LY75: variants seen among roughly 807,000 people sequenced by gnomAD.
The protein encoded by LY75 is lymphocyte antigen 75.
LY75 carries 185 observed loss-of-function variants against 231.7 expected under a neutral mutation model. The observed-to-expected ratio is 0.80, with a 90% confidence interval of 0.71 to 0.90. The LOEUF is 0.90. LY75 is among the 40% of genes least tolerant of loss of function. The pLI, the probability that LY75 is intolerant of heterozygous loss-of-function variation, is 0.00. For missense variants in LY75, 1,947 were observed against 2,050.2 expected (o/e 0.95, Z 0.97); for synonymous variants, 668 against 689.0 (o/e 0.97, Z 0.48).
At chr2:159,822,257 A>G (rs769699586) in intron 28 of LY75, among the ~76,000 whole-genome samples, 7 of 152,222 alleles carry the variant, frequency 4.6e-5, no homozygotes, top group East Asian at 1.9e-4. Context: ...TCCCACCCCT[A>G]TGGAGCCCAG....
At chr2:159,809,415 C>T (rs185219470) in intron 32 of LY75, among the ~76,000 whole-genome samples, 141 of 152,256 alleles carry the variant, frequency 9.3e-4, no homozygotes, top group Non-Finnish European at 1.6e-3. Context: ...TATTGCAGAA[C>T]GGATGGACAA....
chr2:159,889,704 C>T (rs1259778202), intron 4 of LY75, among the ~76,000 whole-genome samples: 1 of 152,110 alleles, frequency 6.6e-6, no homozygotes, highest in Non-Finnish European at 1.5e-5. Flanking sequence ...AAAATTACCA[C>T]TACCATCCCC....
At chr2:159,827,226 T>C (rs1256989716) in intron 28 of LY75, among the ~76,000 whole-genome samples, 1 of 152,172 alleles carries the variant, frequency 6.6e-6, no homozygotes, top group Non-Finnish European at 1.5e-5. Context: ...AAAGGGCTAA[T>C]ATCCAGAATC....
chr2:159,878,579 G>A, intron 10 of LY75, 54 bp downstream of exon 10: 1 of 1,612,650 alleles, frequency 6.2e-7, no homozygotes, highest in African/African-American at 1.3e-5. Flanking sequence ...AGACTGTTTG[G>A]CAAAAGAATT....
intron 31 of LY75, among the ~76,000 whole-genome samples, chr2:159,813,537 C>T (rs972366912): frequency 6.6e-6 from 1 of 152,028 alleles, no homozygotes; most frequent in Non-Finnish European, 1.5e-5. Context: ...TCTCGTGCCT[C>T]CCTCTCATCT....
At chr2:159,900,175 G>A (rs1686032494) in intron 1 of LY75, among the ~76,000 whole-genome samples, 1 of 152,182 alleles carries the variant, frequency 6.6e-6, no homozygotes, top group South Asian at 2.1e-4. Flanking sequence ...GCATGAGCTG[G>A]CAAAGACCCC....
rs1327944029 is a variant in LY75, at chr2:159,875,474, C to A, written c.1944G>T (p.Gln648His). Residue 648 changes from glutamine to histidine, a missense_variant, in exon 12 of 35, where the codon CAG (glutamine) becomes CAT (histidine). By Grantham distance (24) the Gln-to-His change is conservative (BLOSUM62 0). Coordinates refer to ENST00000263636, the MANE Select transcript of LY75 (RefSeq NM_002349.4). ...KPDDPCPEGW[Q>H]SFPASLSCYK... ...AACAAGAAAGACTTGCGGGGAAACT[C>A]TGCCAGCCTTCAGGACAGGGGTCAT... 1 of 1,613,656 alleles carries A rather than the reference C, an allele frequency of 6.2e-7. No individual in the cohort carries two copies. The highest frequency in any genetic ancestry group is 1.3e-5 in the African/African-American group (1 of 74,988).
Position 159,810,642 on chromosome 2 carries a change from C to A in LY75, c.4583G>T (p.Arg1528Ile). ...CCCATTCTCTTTTGCTGCTGGACAT[C>A]TTGATGAATATGTAAGACGGGACAG... ...KKLSRLTYSS[R>I]CPAAKENGSR... Residue 1528 changes from arginine to isoleucine, a missense_variant, in exon 32 of 35, where the codon AGA becomes ATA. By Grantham distance (97) the Arg-to-Ile change is moderately conservative. Coordinates refer to ENST00000263636, the MANE Select transcript of LY75 (RefSeq NM_002349.4). 1 of 1,613,818 alleles carries A rather than the reference C, an allele frequency of 6.2e-7. No homozygotes were observed. Among genetic ancestry groups the A allele is most frequent in the Non-Finnish European group, 8.5e-7 (1 of 1,179,912 alleles).
At position 159,904,498 on chromosome 2, in the gene LY75, C is replaced by G; in HGVS notation, c.94+91G>C. ...ACAGCAAAGCAGCCGTGACCTGCCC[C>G]AGGGGCGCAGCCCTGCCCCAGGCTG... On this transcript the variant is annotated intron_variant, in intron 1 of 34. Coordinates refer to ENST00000263636, the MANE Select transcript of LY75 (RefSeq NM_002349.4). 2.2e-6 allele frequency: 3 copies of G among 1,352,668 alleles called. 1 individual carries two copies. The South Asian group carries it at 4.5e-5, about 20-fold the overall frequency. 83.8% of individuals were successfully genotyped at this position (1,352,668 alleles called of 1,614,324 possible). A position where few individuals can be genotyped will look rare whatever the true frequency, so the allele number is the denominator to read the frequency against.
At chr2:159,904,315 G>A (rs1434120913) in intron 1 of LY75, among the ~76,000 whole-genome samples, 2 of 152,234 alleles carry the variant, frequency 1.3e-5, no homozygotes, top group East Asian at 3.9e-4. Context: ...GCCTCCGTGC[G>A]CCTACTCTAC....
In LY75 at chr2:159,872,496, A is replaced by G. The variant is rs1375987366; in HGVS notation, c.2072T>C (p.Val691Ala). 3 of 1,613,892 alleles carry G rather than the reference A, an allele frequency of 1.9e-6. No homozygotes were observed. The highest frequency in any genetic ancestry group is 2.5e-6 in the Non-Finnish European group (3 of 1,179,924). Residue 691 changes from valine to alanine, a missense_variant, in exon 13 of 35, where the codon GTG (valine) becomes GCG (alanine). Coordinates refer to ENST00000263636, the MANE Select transcript of LY75 (RefSeq NM_002349.4). Reference sequence around the variant, plus strand: ...GTGAAGAAATTCCTTTATTTCATCCACATGGCTGAAGCTAGAAAGGTGTGC... The same window carrying G: ...GTGAAGAAATTCCTTTATTTCATCCGCATGGCTGAAGCTAGAAAGGTGTGC... Reference protein sequence around the residue: ...LGAHLSSFSHVDEIKEFLHFL... With the variant: ...LGAHLSSFSHADEIKEFLHFL...
At position 159,806,862 on chromosome 2, in the gene LY75, T is replaced by TAAGGACTAAATACTTC. The variant is rs1210246334; in HGVS notation, c.4990+95_4990+110dup. On this transcript the variant is annotated intron_variant, in intron 34 of 34. Coordinates refer to ENST00000263636, the MANE Select transcript of LY75 (RefSeq NM_002349.4). ...TTAATCAAGATAGTTGGATATACTT[T>TAAGGACTAAATACTTC]AAGGACTAAATACTTCAAGACTAAA... 4 of 1,315,998 alleles carry TAAGGACTAAATACTTC rather than the reference T, an allele frequency of 3.0e-6. No individual in the cohort carries two copies. In the Admixed American group the frequency reaches 1.1e-4, roughly 35 times the overall value. The allele number at this position is 1,315,998 out of a possible 1,614,324, so 81.5% of individuals were successfully genotyped here. A position where few individuals can be genotyped will look rare whatever the true frequency, so the allele number is the denominator to read the frequency against.
intron 25 of LY75, among the ~76,000 whole-genome samples, chr2:159,836,957 A>G (rs1316156248): frequency 6.6e-6 from 1 of 152,244 alleles, no homozygotes; most frequent in Non-Finnish European, 1.5e-5. Flanking sequence ...TATGAAGACT[A>G]TAAATATCTT....
At chr2:159,808,860 C>T (rs958977448) in intron 32 of LY75, among the ~76,000 whole-genome samples, 1 of 152,160 alleles carries the variant, frequency 6.6e-6, no homozygotes, top group Admixed American at 6.5e-5. Flanking sequence ...TCTGACTGTT[C>T]AGATGAGAAA....
rs760843780 is a variant in LY75, at chr2:159,852,285, A to G, written c.2799T>C (p.Tyr933=). Residue 933 remains tyrosine (Y), a synonymous_variant, in exon 21 of 35, where the codon TAT becomes TAC. Coordinates refer to ENST00000263636, the MANE Select transcript of LY75 (RefSeq NM_002349.4). ...TGTATTTCTCTAACGAAGAAACATT[A>G]TATTTTTCACAGATGAAGGGCAACT... The part of the protein sequence containing the change: ...STKLPFICEK[Y]NVSSLEKYSP... 7 of 1,613,956 alleles carry G rather than the reference A, an allele frequency of 4.3e-6. No individual in the cohort carries two copies. Among genetic ancestry groups the G allele is most frequent in the South Asian group, 3.3e-5 (3 of 91,082 alleles).
intron 12 of LY75, among the ~76,000 whole-genome samples, chr2:159,874,473 ATC>A (rs1361366168): frequency 1.1e-4 from 13 of 113,058 alleles, no homozygotes; most frequent in East Asian, 2.4e-4. Flanking sequence ...TATTTTGTAA[ATC>A]TATATAAATA....
chr2:159,845,217 A>T lies in LY75; in HGVS notation c.3151-2843T>A, dbSNP rs141862822. 6.7e-4 allele frequency among the ~76,000 whole-genome samples: 102 copies of T among 152,270 alleles called. 1 individual carries two copies. Among genetic ancestry groups the T allele is most frequent in the African/African-American group, 2.3e-3 (96 of 41,568 alleles). ...AATAGAAAGATGTCAATTCTCCCAA[A>T]CATGTAGTCAAATTCTCATCAAGAG... On this transcript the variant is annotated intron_variant, in intron 23 of 34. Coordinates refer to ENST00000263636, the MANE Select transcript of LY75 (RefSeq NM_002349.4).
Position 159,815,416 on chromosome 2 carries a change from TTA to T in LY75, c.4536_4537del (p.Tyr1512Ter). The T allele has an allele frequency of 1.2e-6, 2 of 1,600,268 alleles. No homozygotes were observed. The highest frequency in any genetic ancestry group is 1.7e-6 in the Non-Finnish European group (2 of 1,176,422). ...AATTGAAGTCTTACATTTTGTAGGT[TTA>T]TAACAAATAGCACCATCCTTAACAG... On this transcript the variant is annotated stop_gained and frameshift_variant, in exon 31 of 35. Transcript: ENST00000263636. LOFTEE classifies it high-confidence loss of function.
intron 13 of LY75, among the ~76,000 whole-genome samples, chr2:159,869,072 TCTCA>T (rs959637089): frequency 5.9e-5 from 9 of 152,128 alleles, no homozygotes; most frequent in African/African-American, 2.2e-4. Flanking sequence ...CACCGCATGT[TCTCA>T]CTCACAGGTG....
Sources: gnomAD v4.1 joint callset for allele counts (sites outside exome capture counted in the v4.1 genomes callset) on GRCh38, gnomAD v4.1.1 for gene constraint, MANE v1.5 for transcripts, NCBI Gene and HGNC (gene_info 2026-07-23, HGNC 2026-07-21) for gene names.